Variants in RNF150 observed in about 807,000 individuals in gnomAD.
The protein encoded by RNF150 is ring finger protein 150.
Under a neutral mutation model 39.3 loss-of-function variants are expected in RNF150, and 24 were observed. The observed-to-expected ratio is 0.61, with a 90% CI of 0.44 to 0.86. RNF150 has a LOEUF of 0.86. RNF150 is among the 40% of genes least tolerant of loss of function. The pLI is 0.00. For synonymous variants in RNF150, 255 were observed against 227.3 expected (o/e 1.12, Z -1.10); for missense variants, 502 against 587.8 (o/e 0.85, Z 1.51).
chr4:140,938,480 G>A (rs2111351200), intron 4 of RNF150, among the ~76,000 whole-genome samples: 1 of 152,176 alleles, frequency 6.6e-6, no homozygotes, highest in African/African-American at 2.4e-5. Flanking sequence ...TTGAGTTTAG[G>A]GAGAAGCAAG....
intron 1 of RNF150, among the ~76,000 whole-genome samples, chr4:141,117,057 G>A (rs1439092002): frequency 6.6e-6 from 1 of 152,106 alleles, no homozygotes; most frequent in Non-Finnish European, 1.5e-5. Context: ...ATGATGGGTT[G>A]CTGGGTGCAG....
At chr4:141,001,803 C>A (rs1159740560) in intron 1 of RNF150, among the ~76,000 whole-genome samples, 1 of 152,018 alleles carries the variant, frequency 6.6e-6, no homozygotes, top group Non-Finnish European at 1.5e-5. Context: ...CTTGAAAAAT[C>A]AGGATGTTTT....
rs1473760082 is a variant in RNF150, at chr4:141,097,672, T to C, written c.484+34653A>G. Among the ~76,000 whole-genome samples the C allele has an allele frequency of 2.6e-5, 4 of 152,318 alleles. No homozygotes were observed. The East Asian group carries it at 7.7e-4, about 29-fold the overall frequency. On this transcript the variant is annotated intron_variant, in intron 1 of 6. Transcript: ENST00000515673. The stretch of plus-strand genomic sequence containing the variant: ...AAATGATAAAATGTTTTAACTTATG[T>C]CTTTGATTAATAATGAGGATAGCCT...
At chr4:141,050,517 G>C (rs1736736377) in intron 1 of RNF150, among the ~76,000 whole-genome samples, 1 of 152,196 alleles carries the variant, frequency 6.6e-6, no homozygotes, top group Non-Finnish European at 1.5e-5. Flanking sequence ...TACAATGGGG[G>C]TACAGGCATT....
chr4:141,134,594 G>A (rs1209058250), upstream of RNF150, among the ~76,000 whole-genome samples: 1 of 152,202 alleles, frequency 6.6e-6, no homozygotes, highest in Non-Finnish European at 1.5e-5. Flanking sequence ...TGTTAAGGGA[G>A]GGCAAAGAGC....
At chr4:141,175,577 T>A (rs1193233424) in intron 1 of RNF150, among the ~76,000 whole-genome samples, 1 of 152,212 alleles carries the variant, frequency 6.6e-6, no homozygotes, top group Non-Finnish European at 1.5e-5. Context: ...TAAGAGGGCC[T>A]AACATATTAA....
chr4:141,168,913 T>C (rs1484285085), intron 1 of RNF150, among the ~76,000 whole-genome samples: 1 of 152,124 alleles, frequency 6.6e-6, no homozygotes, highest in Non-Finnish European at 1.5e-5. Flanking sequence ...ATGAACGTTC[T>C]GCACATGTAT....
intron 4 of RNF150, among the ~76,000 whole-genome samples, chr4:140,933,568 AC>A (rs1191787957): frequency 6.6e-6 from 1 of 152,174 alleles, no homozygotes; most frequent in Non-Finnish European, 1.5e-5. Flanking sequence ...AGGATACTCA[AC>A]CTGTATTATG....
intron 1 of RNF150, among the ~76,000 whole-genome samples, chr4:141,129,482 G>C (rs952307931): frequency 1.3e-5 from 2 of 152,204 alleles, no homozygotes; most frequent in Non-Finnish European, 2.9e-5. Context: ...GGAGTGACTA[G>C]GAGTTGGGGA....
chr4:140,928,702 A>C (rs1332803651), intron 4 of RNF150, among the ~76,000 whole-genome samples: 2 of 151,890 alleles, frequency 1.3e-5, no homozygotes, highest in Non-Finnish European at 2.9e-5. Flanking sequence ...GCCTGCCACC[A>C]CGCCCAGCTA....
Position 141,132,545 on chromosome 4 carries a change from C to G in RNF150, c.264G>C (p.Gly88=), listed in dbSNP as rs1207033730. 1 of 1,596,302 alleles carries G rather than the reference C, an allele frequency of 6.3e-7. No homozygotes were observed. Among genetic ancestry groups the G allele is most frequent in the East Asian group, 2.3e-5 (1 of 43,984 alleles). The change falls in exon 1 of 7, where the codon GGG becomes GGC. Residue 88 remains glycine (G), a synonymous_variant. Coordinates refer to ENST00000515673, the MANE Select transcript of RNF150 (RefSeq NM_020724.2). This position sits in a 1 kb window ranked among gnomAD's most constrained non-coding sequence, Gnocchi z 4.9. ...GGGCCGAGCTGGCCATGACCACCTC[C>G]CCGCGGGCGTCCTGCTTGGGCGAGT... ...GEHSPKQDAR[G]EVVMASSAHD...
chr4:140,929,491 G>A (rs1033442625), intron 4 of RNF150, among the ~76,000 whole-genome samples: 24 of 149,562 alleles, frequency 1.6e-4, no homozygotes, highest in South Asian at 4.3e-4. Flanking sequence ...CTCAGCCTCC[G>A]GAGTAGCTGG....
chr4:141,122,285 T>C (rs1420100018), intron 1 of RNF150, among the ~76,000 whole-genome samples: 1 of 152,238 alleles, frequency 6.6e-6, no homozygotes, highest in Non-Finnish European at 1.5e-5. Flanking sequence ...ATTCTATCTC[T>C]GACACTTCAT....
chr4:141,201,391 A>G (rs1347229105), intron 1 of RNF150, among the ~76,000 whole-genome samples: 1 of 152,200 alleles, frequency 6.6e-6, no homozygotes, highest in Non-Finnish European at 1.5e-5. Flanking sequence ...TGCCTCATAA[A>G]TCCATAGATT....
At chr4:141,155,155 G>C (rs913160608) in intron 1 of RNF150, among the ~76,000 whole-genome samples, 1 of 151,948 alleles carries the variant, frequency 6.6e-6, no homozygotes, top group Non-Finnish European at 1.5e-5. Context: ...GCGCGATCTT[G>C]GCTCACTGCA....
At chr4:141,198,810 G>A (rs58363074) in intron 1 of RNF150, among the ~76,000 whole-genome samples, 7,013 of 152,098 alleles carry the variant, frequency 0.046, 527 homozygotes, top group African/African-American at 0.16. Flanking sequence ...GGCTAAAGTA[G>A]AACAATTAAG....
intron 1 of RNF150, among the ~76,000 whole-genome samples, chr4:141,104,308 C>T (rs1739125149): frequency 1.3e-5 from 2 of 152,152 alleles, no homozygotes; most frequent in African/African-American, 4.8e-5. Context: ...CATAAAGAGC[C>T]ATCTTCGCAA....
chr4:141,035,427 G>A (rs1227622225), intron 1 of RNF150, among the ~76,000 whole-genome samples: 6 of 152,088 alleles, frequency 3.9e-5, no homozygotes, highest in Admixed American at 2.0e-4. Context: ...CTATGACTTA[G>A]TGGATAAATG....
intron 1 of RNF150, among the ~76,000 whole-genome samples, chr4:140,998,388 G>A (rs1734461968): frequency 6.6e-6 from 1 of 152,186 alleles, no homozygotes; most frequent in African/African-American, 2.4e-5. Context: ...ACAGAGGCAA[G>A]GCCACATGAG....
Sources: gnomAD v4.1 joint callset for allele counts (sites outside exome capture counted in the v4.1 genomes callset) on GRCh38, gnomAD v4.1.1 for gene constraint, Gnocchi (gnomAD v3.1) non-coding constraint, MANE v1.5 for transcripts, NCBI Gene and HGNC (gene_info 2026-07-23, HGNC 2026-07-21) for gene names.